ZC3H12B: variants seen among roughly 807,000 people sequenced by gnomAD.
ZC3H12B encodes the protein probable ribonuclease ZC3H12B.
Under a neutral mutation model 43.9 loss-of-function variants are expected in ZC3H12B, and 7 were observed. That is an observed-to-expected ratio of 0.16 (90% CI 0.09 to 0.30). ZC3H12B has a LOEUF of 0.30. Among genes scored for constraint, ZC3H12B ranks in the 10% least tolerant of loss-of-function variants. ZC3H12B has a pLI of 1.00. For missense variants in ZC3H12B, 475 were observed against 670.2 expected (o/e 0.71, Z 3.22); for synonymous variants, 222 against 241.7 (o/e 0.92, Z 0.76).
At chrX:65,334,345 C>A in the ZC3H12B span, among the ~76,000 whole-genome samples, 5 of 112,117 alleles carry the variant, frequency 4.5e-5, no homozygotes, top group South Asian at 1.5e-3. Flanking sequence ...CTTGCTGAAA[C>A]CTTCAGCTTT....
the ZC3H12B span, among the ~76,000 whole-genome samples, chrX:65,346,488 A>G: frequency 8.9e-6 from 1 of 111,863 alleles, no homozygotes; most frequent in African/African-American, 3.2e-5. Flanking sequence ...AGATGATTCA[A>G]AGATTTAAAT....
At chrX:65,387,520 G>A (rs1021501308) in intron 2 of ZC3H12B, among the ~76,000 whole-genome samples, 2 of 111,407 alleles carry the variant, frequency 1.8e-5, no homozygotes, top group East Asian at 2.8e-4. Flanking sequence ...CCTTTATTTT[G>A]AGCCTATGTG....
chrX:65,463,055 G>C (rs1602489546), intron 3 of ZC3H12B, among the ~76,000 whole-genome samples: 1 of 112,028 alleles, frequency 8.9e-6, no homozygotes, highest in Admixed American at 9.5e-5. Context: ...ACATAAGTGG[G>C]AGCTAAACAT....
chrX:65,453,131 G>GCATGGTAC (rs1265059544), intron 3 of ZC3H12B, among the ~76,000 whole-genome samples: 2 of 107,277 alleles, frequency 1.9e-5, no homozygotes, highest in African/African-American at 6.8e-5. Flanking sequence ...CACCAAAACA[G>GCATGGTAC]CATGGTACTG....
the ZC3H12B span, among the ~76,000 whole-genome samples, chrX:65,247,741 G>A: frequency 9.0e-6 from 1 of 111,717 alleles, no homozygotes; most frequent in African/African-American, 3.3e-5. Flanking sequence ...GGGGAGGAGA[G>A]AGAGCGAGCG....
rs754184767 is a variant in ZC3H12B, at chrX:65,490,254, A to T, written c.608+845A>T. On this transcript the variant is annotated intron_variant, in intron 1 of 4. Transcript: ENST00000338957. ...AATCACAAGTGCCTTTATTAGAGGG[A>T]AGCAGCAAGATCAGAATAAGTAGAA... Among the ~76,000 whole-genome samples, 6 of 110,057 alleles carry T rather than the reference A, an allele frequency of 5.5e-5. No individual in the cohort carries two copies. In the East Asian group the frequency reaches 1.4e-3, roughly 26 times the overall value.
chrX:65,266,734 G>A, the ZC3H12B span, among the ~76,000 whole-genome samples: 1 of 111,174 alleles, frequency 9.0e-6, no homozygotes, highest in Non-Finnish European at 1.9e-5. Flanking sequence ...TGTGTTTATG[G>A]GTTTTCCACC....
chrX:65,380,140 C>A (rs1007441113), intron 2 of ZC3H12B, among the ~76,000 whole-genome samples: 1 of 111,215 alleles, frequency 9.0e-6, no homozygotes, highest in African/African-American at 3.3e-5. Flanking sequence ...AGAGCAACAC[C>A]AACAAACATA....
the ZC3H12B span, among the ~76,000 whole-genome samples, chrX:65,119,058 A>G: frequency 1.8e-5 from 2 of 111,120 alleles, no homozygotes; most frequent in South Asian, 3.8e-4. Context: ...ATTGTTGGAC[A>G]TTTGGGTTGG....
chrX:65,350,208 C>A, the ZC3H12B span, among the ~76,000 whole-genome samples: 1 of 111,934 alleles, frequency 8.9e-6, no homozygotes, highest in Non-Finnish European at 1.9e-5. Context: ...TCAACATACA[C>A]AAATCAATAA....
At chrX:65,218,000 A>G in the ZC3H12B span, among the ~76,000 whole-genome samples, 7 of 112,351 alleles carry the variant, frequency 6.2e-5, no homozygotes, top group Admixed American at 1.9e-4. Context: ...ACTCAAGACT[A>G]TATCAAATGT....
At chrX:65,169,217 G>T in the ZC3H12B span, among the ~76,000 whole-genome samples, 11 of 111,846 alleles carry the variant, frequency 9.8e-5, no homozygotes, top group Admixed American at 1.0e-3. Flanking sequence ...GTGTCCCAGA[G>T]ATTCTGGTAT....
the ZC3H12B span, among the ~76,000 whole-genome samples, chrX:65,353,692 C>A: frequency 4.5e-5 from 5 of 112,007 alleles, no homozygotes; most frequent in Non-Finnish European, 1.9e-5. Context: ...ACCATGGAGC[C>A]AAGCAAGCTA....
chrX:65,158,260 T>C, the ZC3H12B span, among the ~76,000 whole-genome samples: 3 of 111,048 alleles, frequency 2.7e-5, no homozygotes, highest in Non-Finnish European at 3.8e-5. Flanking sequence ...TATAGCAGCA[T>C]GATTTACAGT....
At chrX:65,056,495 A>G in the ZC3H12B span, among the ~76,000 whole-genome samples, 1 of 111,485 alleles carries the variant, frequency 9.0e-6, no homozygotes, top group African/African-American at 3.3e-5. Context: ...TTGCTGAGGA[A>G]TGCTTTACTT....
chrX:65,199,913 G>A, the ZC3H12B span, among the ~76,000 whole-genome samples: 1 of 110,140 alleles, frequency 9.1e-6, no homozygotes. Flanking sequence ...ATGAACATAT[G>A]TGTGTGTATA....
intron 3 of ZC3H12B, among the ~76,000 whole-genome samples, chrX:65,472,831 T>TATATATAC (rs2067936885): frequency 1.3e-5 from 1 of 77,249 alleles, no homozygotes; most frequent in African/African-American, 7.6e-5. Flanking sequence ...CTTTGATATA[T>TATATATAC]ATATATATAT....
chrX:65,233,194 A>T, the ZC3H12B span, among the ~76,000 whole-genome samples: 1 of 111,870 alleles, frequency 8.9e-6, no homozygotes, highest in Admixed American at 9.5e-5. Flanking sequence ...GATCATGTAG[A>T]CAAAAAATTA....
At chrX:65,403,977 G>A (rs2066793488) in intron 3 of ZC3H12B, among the ~76,000 whole-genome samples, 1 of 111,980 alleles carries the variant, frequency 8.9e-6, no homozygotes, top group Non-Finnish European at 1.9e-5. Flanking sequence ...CAACTAAAAT[G>A]CTAGCTAGAA....
Sources: gnomAD v4.1 joint callset for allele counts (sites outside exome capture counted in the v4.1 genomes callset) on GRCh38, gnomAD v4.1.1 for gene constraint, MANE v1.5 for transcripts, NCBI Gene and HGNC (gene_info 2026-07-23, HGNC 2026-07-21) for gene names.